The following GSK3B variants were observed in gnomAD, a reference collection of about 807,000 sequenced individuals.
GSK3B encodes glycogen synthase kinase 3 beta.
A neutral mutation model predicts 56.4 loss-of-function variants in GSK3B; 15 were observed. The ratio of observed to expected loss-of-function variants is 0.27; its 90% CI spans 0.18 to 0.41. The LOEUF (loss-of-function observed/expected upper bound fraction) is 0.41. Ranked by LOEUF, GSK3B falls within the 10% of genes least tolerant of loss-of-function variation. The probability of loss-of-function intolerance (pLI) is 1.00; values close to 1 mark genes in which losing one functional copy is unlikely to be tolerated. For synonymous variants in GSK3B, 181 were observed against 188.9 expected (o/e 0.96, Z 0.34); for missense variants, 300 against 513.4 (o/e 0.58, Z 4.02).
intron 2 of GSK3B, among the ~76,000 whole-genome samples, chr3:119,967,382 CT>C (rs892586420): frequency 2.0e-5 from 3 of 151,926 alleles, no homozygotes; most frequent in Non-Finnish European, 2.9e-5. Context: ...GGCCAGCTAT[CT>C]TTTTTTTAAA....
At chr3:119,959,855 AC>A (rs2107504436) in intron 2 of GSK3B, among the ~76,000 whole-genome samples, 1 of 151,938 alleles carries the variant, frequency 6.6e-6, no homozygotes, top group East Asian at 1.9e-4. Flanking sequence ...GCCCGGCTTG[AC>A]CTCACATTAA....
intron 8 of GSK3B, among the ~76,000 whole-genome samples, chr3:119,869,654 C>T (rs189655849): frequency 6.6e-6 from 1 of 152,344 alleles, no homozygotes; most frequent in East Asian, 1.9e-4. Context: ...AGTAAATCTT[C>T]ATTTAATGTC....
intron 7 of GSK3B, among the ~76,000 whole-genome samples, chr3:119,903,881 A>G (rs920142942): frequency 6.6e-6 from 1 of 152,188 alleles, no homozygotes; most frequent in Non-Finnish European, 1.5e-5. Context: ...GCCTAGGGAC[A>G]GGAGAAATGC....
intron 8 of GSK3B, among the ~76,000 whole-genome samples, chr3:119,869,334 A>G (rs1037768119): frequency 1.3e-5 from 2 of 151,744 alleles, no homozygotes; most frequent in Non-Finnish European, 2.9e-5. Context: ...CACTTTAAGT[A>G]CTATCAAAAA....
chr3:119,948,099 G>A (rs978640388), intron 2 of GSK3B, among the ~76,000 whole-genome samples: 2 of 152,134 alleles, frequency 1.3e-5, no homozygotes, highest in African/African-American at 2.4e-5. Context: ...CAATATACTT[G>A]ACTGACAGAA....
intron 4 of GSK3B, among the ~76,000 whole-genome samples, chr3:119,921,249 T>C (rs1027167457): frequency 1.2e-4 from 18 of 152,218 alleles, no homozygotes; most frequent in Admixed American, 1.0e-3. Context: ...TTATATAAAC[T>C]ATATCTCAGG....
chr3:119,904,862 A>G (rs2056666330), intron 7 of GSK3B, among the ~76,000 whole-genome samples: 1 of 152,060 alleles, frequency 6.6e-6, no homozygotes, highest in Non-Finnish European at 1.5e-5. Context: ...AATTTGGGAT[A>G]TCACAAACAA....
chr3:119,956,179 C>T (rs570597388), intron 2 of GSK3B, among the ~76,000 whole-genome samples: 1 of 152,222 alleles, frequency 6.6e-6, no homozygotes, highest in Admixed American at 6.5e-5. Context: ...ACTATGAACA[C>T]GGTACAGTTC....
intron 10 of GSK3B, among the ~76,000 whole-genome samples, chr3:119,839,215 C>T (rs1201289877): frequency 6.6e-6 from 1 of 152,044 alleles, no homozygotes; most frequent in African/African-American, 2.4e-5. Context: ...AGATTTCTGC[C>T]TATAATGTAT....
At position 119,971,901 on chromosome 3, in the gene GSK3B, G is replaced by A. The variant is rs537993976; in HGVS notation, c.283-24550C>T. ...GCTGGGATTACAGGCGTGAGCCACC[G>A]CGCCCGGCCTGCAATAAAATTTTTA... On this transcript the variant is annotated intron_variant, in intron 2 of 10. Coordinates refer to ENST00000264235, the MANE Select transcript of GSK3B (RefSeq NM_001146156.2). 3.3e-5 allele frequency among the ~76,000 whole-genome samples: 5 copies of A among 152,104 alleles called. No homozygotes were observed. The East Asian group carries it at 5.8e-4, about 18-fold the overall frequency.
intron 7 of GSK3B, among the ~76,000 whole-genome samples, chr3:119,892,466 C>T (rs903677470): frequency 1.3e-5 from 2 of 152,180 alleles, no homozygotes; most frequent in African/African-American, 4.8e-5. Context: ...CCTAAGAAGG[C>T]TTTCCAGACA....
chr3:120,052,734 CAAG>C (rs1386471986), intron 1 of GSK3B, among the ~76,000 whole-genome samples: 1 of 152,148 alleles, frequency 6.6e-6, no homozygotes, highest in African/African-American at 2.4e-5. Context: ...TCTTTCTAAT[CAAG>C]AAGACTTCCA....
chr3:119,850,425 T>A (rs962136474), intron 9 of GSK3B, among the ~76,000 whole-genome samples: 2 of 152,204 alleles, frequency 1.3e-5, no homozygotes, highest in Non-Finnish European at 2.9e-5. Flanking sequence ...CTTCTCTACT[T>A]CAAAGAGGTT....
intron 10 of GSK3B, among the ~76,000 whole-genome samples, chr3:119,835,191 A>AT (rs2055670671): frequency 6.6e-6 from 1 of 152,210 alleles, no homozygotes; most frequent in African/African-American, 2.4e-5. Flanking sequence ...CTCCCACTCT[A>AT]TGAGGACATG....
chr3:120,074,872 A>G (rs1216453737), intron 1 of GSK3B, among the ~76,000 whole-genome samples: 1 of 152,230 alleles, frequency 6.6e-6, no homozygotes, highest in Non-Finnish European at 1.5e-5. Context: ...TCTTCCAAAT[A>G]ATAGAGCTGT....
chr3:119,958,794 A>G (rs1254700464), intron 2 of GSK3B, among the ~76,000 whole-genome samples: 1 of 151,860 alleles, frequency 6.6e-6, no homozygotes, highest in Non-Finnish European at 1.5e-5. Context: ...TTTTCATGAA[A>G]AGAGTGTTCA....
At chr3:119,878,525 T>C (rs2056340601) in intron 7 of GSK3B, among the ~76,000 whole-genome samples, 1 of 152,202 alleles carries the variant, frequency 6.6e-6, no homozygotes. Context: ...TGAAATGGTA[T>C]ATAGCACCTT....
intron 1 of GSK3B, among the ~76,000 whole-genome samples, chr3:120,003,530 A>G (rs1318106619): frequency 6.6e-6 from 1 of 152,190 alleles, no homozygotes; most frequent in Non-Finnish European, 1.5e-5. Context: ...CTTCCATTAC[A>G]ATTTCCTTTC....
chr3:120,013,309 G>T (rs1417592434), intron 1 of GSK3B, among the ~76,000 whole-genome samples: 1 of 152,158 alleles, frequency 6.6e-6, no homozygotes, highest in Non-Finnish European at 1.5e-5. Context: ...AACATACTTT[G>T]TTCATTTAAC....
Sources: gnomAD v4.1 joint callset for allele counts (sites outside exome capture counted in the v4.1 genomes callset) on GRCh38, gnomAD v4.1.1 for gene constraint, MANE v1.5 for transcripts, NCBI Gene and HGNC (gene_info 2026-07-23, HGNC 2026-07-21) for gene names.